OSBPL10: variants seen among roughly 807,000 people sequenced by gnomAD.
OSBPL10 encodes oxysterol binding protein like 10.
In OSBPL10, 49 loss-of-function variants were observed where a neutral mutation model predicts 81.7. The observed-to-expected ratio is 0.60, with a 90% CI of 0.48 to 0.76. The LOEUF (loss-of-function observed/expected upper bound fraction) is 0.76. OSBPL10 is among the 30% of genes least tolerant of loss of function. OSBPL10 has a pLI of 0.00. For synonymous variants in OSBPL10, 419 were observed against 383.6 expected (o/e 1.09, Z -1.08); for missense variants, 923 against 987.8 (o/e 0.93, Z 0.88).
At chr3:31,807,475 G>C (rs1699549537) in intron 4 of OSBPL10, among the ~76,000 whole-genome samples, 1 of 151,070 alleles carries the variant, frequency 6.6e-6, no homozygotes, top group Non-Finnish European at 1.5e-5. Flanking sequence ...CTGCTAAAAT[G>C]CAAGATGAGG....
At chr3:31,762,596 G>A (rs540385563) in intron 4 of OSBPL10, among the ~76,000 whole-genome samples, 15 of 143,518 alleles carry the variant, frequency 1.0e-4, no homozygotes, top group Non-Finnish European at 2.2e-4. Flanking sequence ...TGAGTAGTTG[G>A]GACTACAGGC....
chr3:31,926,744 CAT>C (rs1474131093), intron 1 of OSBPL10, among the ~76,000 whole-genome samples: 2 of 152,130 alleles, frequency 1.3e-5, no homozygotes, highest in Non-Finnish European at 2.9e-5. Flanking sequence ...ATTACTTTGA[CAT>C]ATGAATGACA....
At chr3:31,892,534 A>T (rs1695923468) in intron 1 of OSBPL10, among the ~76,000 whole-genome samples, 1 of 152,196 alleles carries the variant, frequency 6.6e-6, no homozygotes, top group Non-Finnish European at 1.5e-5. Context: ...TCCCCAAAAA[A>T]GTCAACTATA....
intron 6 of OSBPL10, among the ~76,000 whole-genome samples, chr3:31,708,275 C>T (rs1696135738): frequency 6.6e-6 from 1 of 152,144 alleles, no homozygotes; most frequent in African/African-American, 2.4e-5. Flanking sequence ...GTTTGCAGTA[C>T]AGAATCCATA....
chr3:31,740,190 C>CATG (rs2125680964), intron 5 of OSBPL10, among the ~76,000 whole-genome samples: 1 of 152,014 alleles, frequency 6.6e-6, no homozygotes, highest in African/African-American at 2.4e-5. Context: ...ACTACAGGTG[C>CATG]CCACCACCAT....
chr3:32,057,687 C>G (rs996751002), intron 1 of OSBPL10, among the ~76,000 whole-genome samples: 1 of 152,190 alleles, frequency 6.6e-6, no homozygotes. Context: ...TCCACCTGGT[C>G]TCTCCTTTGA....
In OSBPL10 at chr3:31,905,712, GATTAATAAACATCACTGAATTCTAAGC is replaced by G. The variant is rs755625102; in HGVS notation, c.282-25909_282-25883del. Among the ~76,000 whole-genome samples, 70 of 151,760 alleles carry G rather than the reference GATTAATAAACATCACTGAATTCTAAGC, an allele frequency of 4.6e-4. No homozygotes were observed. In the Middle Eastern group the frequency reaches 0.017, roughly 37 times the overall value. On this transcript the variant is annotated intron_variant, in intron 1 of 11. Transcript: ENST00000396556. Reference sequence around the variant, plus strand: ...AGGCCTAGTGAGAGAGGAGGACAAAGATTAATAAACATCACTGAATTCTAAGCATTGACTATGATATTATTCAAATCT... The same window carrying G: ...AGGCCTAGTGAGAGAGGAGGACAAAGATTGACTATGATATTATTCAAATCT...
chr3:31,758,608 G>C (rs1697951414), intron 4 of OSBPL10, among the ~76,000 whole-genome samples: 2 of 152,198 alleles, frequency 1.3e-5, no homozygotes, highest in Admixed American at 6.5e-5. Context: ...GACCACGAGA[G>C]TGGTTCTGGC....
intron 6 of OSBPL10, among the ~76,000 whole-genome samples, chr3:31,714,414 C>T (rs1696366053): frequency 1.3e-5 from 2 of 152,092 alleles, no homozygotes. Context: ...AAGGAGCTGG[C>T]AGCAGGCAGG....
chr3:31,990,079 A>G, intron 2 of OSBPL10: 4 of 1,614,038 alleles, frequency 2.5e-6, no homozygotes, highest in Non-Finnish European at 3.4e-6. Context: ...AAGACATAGG[A>G]GAATTCATAC....
chr3:31,755,418 A>G (rs1697856535), intron 4 of OSBPL10, among the ~76,000 whole-genome samples: 1 of 152,216 alleles, frequency 6.6e-6, no homozygotes, highest in Non-Finnish European at 1.5e-5. Context: ...CTTTTTGGTA[A>G]TAGAATCTAT....
At chr3:31,761,556 C>T (rs531476555) in intron 4 of OSBPL10, among the ~76,000 whole-genome samples, 2 of 151,772 alleles carry the variant, frequency 1.3e-5, no homozygotes, top group African/African-American at 4.8e-5. Flanking sequence ...GTGGCTCACG[C>T]CTGTAATCCC....
chr3:31,728,818 C>T (rs537193981), intron 6 of OSBPL10, among the ~76,000 whole-genome samples: 2 of 152,266 alleles, frequency 1.3e-5, no homozygotes, highest in African/African-American at 4.8e-5. Flanking sequence ...TATCCCTCAC[C>T]TGAAATGCCT....
chr3:32,063,817 T>C (rs945309940), intron 1 of OSBPL10, among the ~76,000 whole-genome samples: 1 of 93,108 alleles, frequency 1.1e-5, no homozygotes, highest in African/African-American at 2.8e-5. Flanking sequence ...TTCCTGTTCA[T>C]CCTCTGCCAC....
At chr3:31,872,843 C>T (rs572028520) in intron 3 of OSBPL10, among the ~76,000 whole-genome samples, 8 of 152,200 alleles carry the variant, frequency 5.3e-5, no homozygotes, top group East Asian at 1.9e-4. Context: ...AGGCTGGTCT[C>T]GAACTCCCAG....
chr3:31,805,200 G>A (rs1476256353), intron 4 of OSBPL10, among the ~76,000 whole-genome samples: 2 of 152,128 alleles, frequency 1.3e-5, no homozygotes, highest in African/African-American at 4.8e-5. Context: ...CCTTTGAGAT[G>A]AACCTTTAAA....
At chr3:31,808,878 G>C (rs1699591640) in intron 4 of OSBPL10, among the ~76,000 whole-genome samples, 1 of 152,148 alleles carries the variant, frequency 6.6e-6, no homozygotes, top group African/African-American at 2.4e-5. Context: ...CTGGAATCTT[G>C]CCCAGAATAT....
At chr3:32,044,366 AAT>A in intron 2 of OSBPL10, among the ~76,000 whole-genome samples, 2 of 148,720 alleles carry the variant, frequency 1.3e-5, no homozygotes. Flanking sequence ...GTTGGGAAAT[AAT>A]ATATATATAA....
chr3:31,809,069 G>A (rs190215849), intron 4 of OSBPL10, among the ~76,000 whole-genome samples: 34 of 152,158 alleles, frequency 2.2e-4, no homozygotes, highest in African/African-American at 7.2e-4. Context: ...AATCACAACC[G>A]CCACTACTAT....
Sources: gnomAD v4.1 joint callset for allele counts (sites outside exome capture counted in the v4.1 genomes callset) on GRCh38, gnomAD v4.1.1 for gene constraint, MANE v1.5 for transcripts, NCBI Gene and HGNC (gene_info 2026-07-23, HGNC 2026-07-21) for gene names.